The following KLRG2 variants were observed in gnomAD, a reference collection of about 807,000 sequenced individuals.
KLRG2 encodes killer cell lectin-like receptor subfamily G member 2.
A neutral mutation model predicts 35.4 loss-of-function variants in KLRG2; 39 were observed. That is an observed-to-expected ratio of 1.10 (90% CI 0.85 to 1.44). KLRG2 has a LOEUF of 1.44. Among genes scored for constraint, KLRG2 ranks in the 40% most tolerant of loss-of-function variants. KLRG2 has a pLI of 0.00. For missense variants in KLRG2, 632 were observed against 570.9 expected (o/e 1.11, Z -1.09); for synonymous variants, 283 against 265.8 (o/e 1.06, Z -0.63).
chr7:139,430,828 G>A, the KLRG2 span, among the ~76,000 whole-genome samples: 1 of 152,018 alleles, frequency 6.6e-6, no homozygotes, highest in African/African-American at 2.4e-5. Context: ...GGCCAACATG[G>A]TGAAACCCTG....
the KLRG2 span, among the ~76,000 whole-genome samples, chr7:139,439,904 C>T: frequency 1.3e-5 from 2 of 152,058 alleles, no homozygotes; most frequent in Non-Finnish European, 2.9e-5. Flanking sequence ...ACCAAAAACC[C>T]AGAAATTTAT....
chr7:139,471,399 C>T (rs1043256081), intron 3 of KLRG2, among the ~76,000 whole-genome samples: 4 of 152,070 alleles, frequency 2.6e-5, no homozygotes, highest in East Asian at 1.9e-4. Context: ...TGGTGGTTCA[C>T]GCCTGTAATC....
chr7:139,465,955 T>C (rs1416890257), intron 3 of KLRG2, among the ~76,000 whole-genome samples: 2 of 152,092 alleles, frequency 1.3e-5, no homozygotes, highest in Non-Finnish European at 2.9e-5. Flanking sequence ...CCAAGGAAAA[T>C]ATCTCCTTCC....
intron 3 of KLRG2, among the ~76,000 whole-genome samples, chr7:139,471,400 G>A (rs903027720): frequency 1.3e-5 from 2 of 152,084 alleles, no homozygotes; most frequent in African/African-American, 4.8e-5. Flanking sequence ...GGTGGTTCAC[G>A]CCTGTAATCC....
downstream of KLRG2, among the ~76,000 whole-genome samples, chr7:139,452,286 T>C (rs1277537166): frequency 1.3e-5 from 2 of 152,042 alleles, no homozygotes; most frequent in Non-Finnish European, 2.9e-5. Context: ...TCCATTTCCC[T>C]TTTTGTTATT....
chr7:139,442,431 G>A, the KLRG2 span, among the ~76,000 whole-genome samples: 4 of 152,170 alleles, frequency 2.6e-5, no homozygotes, highest in African/African-American at 9.7e-5. Context: ...TGACTGATAG[G>A]CCAGGCACGG....
chr7:139,451,507 ATTTT>A (rs1159845732), downstream of KLRG2, among the ~76,000 whole-genome samples: 1,194 of 148,568 alleles, frequency 8.0e-3, 16 homozygotes, highest in African/African-American at 0.028. Context: ...TCAAAAAAAA[ATTTT>A]TTTTTTTGTT....
chr7:139,472,111 C>G (rs1022500464), intron 3 of KLRG2, among the ~76,000 whole-genome samples: 2 of 152,128 alleles, frequency 1.3e-5, no homozygotes, highest in Non-Finnish European at 2.9e-5. Flanking sequence ...AAGCTAGAAA[C>G]TCCCTCCCCT....
At chr7:139,438,677 A>ATTTTTTTTTT in the KLRG2 span, among the ~76,000 whole-genome samples, 52 of 142,818 alleles carry the variant, frequency 3.6e-4, no homozygotes, top group South Asian at 1.1e-3. Context: ...CATTTTGGCA[A>ATTTTTTTTTT]TTTTTTTTTT....
intron 3 of KLRG2, among the ~76,000 whole-genome samples, chr7:139,469,316 C>T (rs535557440): frequency 5.9e-5 from 9 of 152,260 alleles, no homozygotes; most frequent in African/African-American, 1.7e-4. Flanking sequence ...TGTGCCACCA[C>T]GCTCAACTAA....
downstream of KLRG2, chr7:139,448,678 G>C (rs918856917): frequency 6.6e-5 from 10 of 151,920 alleles, no homozygotes; most frequent in Admixed American, 6.6e-4. Context: ...GGGTGACAGA[G>C]CAAGACTCCT....
Position 139,453,172 on chromosome 7 carries a change from C to T in KLRG2, c.*415G>A, listed in dbSNP as rs1286574138. 1 of 314,360 alleles carries T rather than the reference C, an allele frequency of 3.2e-6. No homozygotes were observed. The highest frequency in any genetic ancestry group is 6.2e-5 in the East Asian group (1 of 16,034). 19.5% of individuals were successfully genotyped at this position (314,360 alleles called of 1,614,324 possible). ...AGCAATGACGTTATCCCTGCCAAGT[C>T]CCACTGCCACTGAACAACGGCAGAC... On this transcript the variant is annotated 3_prime_UTR_variant, in exon 5 of 5. Coordinates refer to ENST00000340940, the MANE Select transcript of KLRG2 (RefSeq NM_198508.4).
rs201132743 is a variant in KLRG2, at chr7:139,479,699, C to T, written c.933G>A (p.Ala311=). ...AAGCCTGGCTGGCTTCCCAGGCCTG[C>T]GCTTCTGCAGAGAAGTAGTAACAGT... ...EEHCYYFSAE[A]QAWEASQAFC... The change falls in exon 3 of 5, where the codon GCG becomes GCA. Residue 311 remains alanine (A), a synonymous_variant. Transcript: ENST00000340940. 19 of 1,613,906 alleles carry T rather than the reference C, an allele frequency of 1.2e-5. No homozygotes were observed. Among genetic ancestry groups the T allele is most frequent in the Admixed American group, 1.0e-4 (6 of 60,016 alleles).
At chr7:139,478,928 A>C (rs1314448492) in intron 3 of KLRG2, among the ~76,000 whole-genome samples, 1 of 152,030 alleles carries the variant, frequency 6.6e-6, no homozygotes, top group African/African-American at 2.4e-5. Flanking sequence ...CCAACGATTA[A>C]AAACATAAGT....
downstream of KLRG2, among the ~76,000 whole-genome samples, chr7:139,449,688 T>C (rs1040225954): frequency 6.8e-6 from 1 of 146,462 alleles, no homozygotes; most frequent in Non-Finnish European, 1.5e-5. Flanking sequence ...CTCTATATCC[T>C]TATTCTTTTT....
chr7:139,478,131 G>A (rs1306421807), intron 3 of KLRG2, among the ~76,000 whole-genome samples: 1 of 151,488 alleles, frequency 6.6e-6, no homozygotes, highest in Admixed American at 6.6e-5. Flanking sequence ...CACTTTGAGA[G>A]GCCGAAGTGG....
At chr7:139,456,475 C>T (rs762330386) in intron 3 of KLRG2, among the ~76,000 whole-genome samples, 1 of 152,204 alleles carries the variant, frequency 6.6e-6, no homozygotes, top group Non-Finnish European at 1.5e-5. Flanking sequence ...AAGGAATTCT[C>T]CTGTCTCAGC....
chr7:139,455,136 A>C (rs900537823), intron 3 of KLRG2, among the ~76,000 whole-genome samples: 1 of 150,638 alleles, frequency 6.6e-6, no homozygotes, highest in Admixed American at 6.6e-5. Context: ...CTCCCGCCTC[A>C]GCCTCCTGAG....
downstream of KLRG2, among the ~76,000 whole-genome samples, chr7:139,450,214 T>C: frequency 6.8e-6 from 1 of 147,684 alleles, no homozygotes; most frequent in South Asian, 2.2e-4. Flanking sequence ...GGCTAATGTT[T>C]GTTTTTTTTT....
Sources: gnomAD v4.1 joint callset for allele counts (sites outside exome capture counted in the v4.1 genomes callset) on GRCh38, gnomAD v4.1.1 for gene constraint, MANE v1.5 for transcripts, NCBI Gene and HGNC (gene_info 2026-07-23, HGNC 2026-07-21) for gene names.